The following SYN3 variants were observed in gnomAD, a reference collection of about 807,000 sequenced individuals.
SYN3 encodes the protein synapsin-3.
A neutral mutation model predicts 65.8 loss-of-function variants in SYN3; 35 were observed. The observed-to-expected ratio is 0.53, with a 90% CI of 0.41 to 0.70. The LOEUF (loss-of-function observed/expected upper bound fraction) is 0.70, where lower values mean the gene tolerates loss of function less well. SYN3 is among the 30% of genes least tolerant of loss of function. SYN3 has a pLI of 0.00. For synonymous variants in SYN3, 270 were observed against 292.9 expected (o/e 0.92, Z 0.80); for missense variants, 680 against 749.0 (o/e 0.91, Z 1.08).
intron 6 of SYN3, among the ~76,000 whole-genome samples, chr22:32,777,672 C>A (rs5754275): frequency 2.6e-5 from 4 of 151,956 alleles, no homozygotes; most frequent in African/African-American, 9.7e-5. Context: ...GGGAGAGAGG[C>A]AAGAAAATAA....
chr22:32,895,244 A>C (rs1448502167), intron 4 of SYN3, among the ~76,000 whole-genome samples: 1 of 152,202 alleles, frequency 6.6e-6, no homozygotes, highest in East Asian at 1.9e-4. Context: ...GAAAACTAGG[A>C]CATCAGTCTC....
intron 6 of SYN3, among the ~76,000 whole-genome samples, chr22:32,692,177 C>G (rs5754214): frequency 0.5 from 33,162 of 65,878 alleles, 6,784 homozygotes; most frequent in Middle Eastern, 0.63. Flanking sequence ...AAAAAAAAAA[C>G]AGGACGGTCT....
intron 6 of SYN3, among the ~76,000 whole-genome samples, chr22:32,765,561 C>T (rs111784961): frequency 2.2e-3 from 342 of 152,074 alleles, no homozygotes; most frequent in Non-Finnish European, 3.9e-3. Flanking sequence ...AAATGACAGG[C>T]GAGAGGGTGA....
intron 1 of SYN3, among the ~76,000 whole-genome samples, chr22:33,054,877 T>C (rs75004860): frequency 0.018 from 2,755 of 152,312 alleles, 90 homozygotes; most frequent in African/African-American, 0.062. Flanking sequence ...CTGGCCACCA[T>C]CCTTCATCCC....
At chr22:32,638,071 T>C (rs752958069) in intron 6 of SYN3, among the ~76,000 whole-genome samples, 3 of 152,240 alleles carry the variant, frequency 2.0e-5, no homozygotes, top group Non-Finnish European at 4.4e-5. Flanking sequence ...ATGCATTGTT[T>C]GGTTTACTGT....
At chr22:32,557,530 ATCT>A (rs2058521350) in intron 7 of SYN3, among the ~76,000 whole-genome samples, 1 of 152,202 alleles carries the variant, frequency 6.6e-6, no homozygotes, top group African/African-American at 2.4e-5. Context: ...TACATGTATT[ATCT>A]CAGTTAATCT....
chr22:32,653,933 G>C (rs1031875372), intron 6 of SYN3, among the ~76,000 whole-genome samples: 3 of 152,208 alleles, frequency 2.0e-5, no homozygotes, highest in Non-Finnish European at 4.4e-5. Flanking sequence ...GAACGTAAGA[G>C]GTAGGTGTGT....
intron 6 of SYN3, among the ~76,000 whole-genome samples, chr22:32,746,063 CT>C (rs1439419013): frequency 6.6e-6 from 1 of 152,208 alleles, no homozygotes; most frequent in African/African-American, 2.4e-5. Context: ...TCATAGTCAC[CT>C]CTTAAGAATT....
intron 1 of SYN3, among the ~76,000 whole-genome samples, chr22:33,048,785 T>A (rs1024675453): frequency 5.9e-5 from 9 of 152,198 alleles, no homozygotes; most frequent in Non-Finnish European, 8.8e-5. Flanking sequence ...TTAATGGCAA[T>A]GCAAAATGGA....
At chr22:32,673,751 G>A (rs1569141944) in intron 6 of SYN3, among the ~76,000 whole-genome samples, 2 of 152,228 alleles carry the variant, frequency 1.3e-5, no homozygotes, top group African/African-American at 4.8e-5. Context: ...AGGGATGAGA[G>A]AAAGATGGTG....
chr22:32,973,824 T>A (rs931069135), intron 3 of SYN3, among the ~76,000 whole-genome samples: 29 of 152,024 alleles, frequency 1.9e-4, no homozygotes, highest in African/African-American at 7.0e-4. Context: ...TCAGACAGAG[T>A]TTTGCTCTTG....
rs887145746 is a variant in SYN3, at chr22:33,029,062, C to G, written c.-162-22238G>C. 4.6e-5 allele frequency among the ~76,000 whole-genome samples: 7 copies of G among 151,844 alleles called. No homozygotes were observed. The East Asian group carries it at 1.4e-3, about 29-fold the overall frequency. On this transcript the variant is annotated intron_variant, in intron 1 of 13. Coordinates refer to ENST00000358763, the MANE Select transcript of SYN3 (RefSeq NM_003490.4). ...CTCAAAAAAAAAAAAGAATCAGGCA[C>G]TGCTCAGACAGTCCCTAGATGATCC... is the stretch of plus-strand genomic sequence containing the variant.
chr22:32,559,371 T>TA (rs750712395), intron 7 of SYN3, among the ~76,000 whole-genome samples: 22 of 152,180 alleles, frequency 1.4e-4, no homozygotes, highest in Non-Finnish European at 2.9e-4. Flanking sequence ...GTGCTACTGT[T>TA]AGAGTAGCTA....
chr22:32,710,472 A>G (rs2060945170), intron 6 of SYN3, among the ~76,000 whole-genome samples: 1 of 151,734 alleles, frequency 6.6e-6, no homozygotes, highest in Non-Finnish European at 1.5e-5. Flanking sequence ...CTCTACTAAA[A>G]ATACAAAAAA....
At chr22:32,751,046 G>A (rs2045106968) in intron 6 of SYN3, among the ~76,000 whole-genome samples, 1 of 152,090 alleles carries the variant, frequency 6.6e-6, no homozygotes, top group Non-Finnish European at 1.5e-5. Flanking sequence ...GAATGAAGGT[G>A]TGTGTGCAGG....
intron 6 of SYN3, among the ~76,000 whole-genome samples, chr22:32,849,020 C>T (rs1462640878): frequency 6.6e-6 from 1 of 151,992 alleles, no homozygotes; most frequent in Non-Finnish European, 1.5e-5. Context: ...AGGAAGAGCC[C>T]CAAATGAGGT....
intron 3 of SYN3, among the ~76,000 whole-genome samples, chr22:32,952,284 ATG>A (rs1209442633): frequency 6.8e-6 from 1 of 147,482 alleles, no homozygotes; most frequent in Non-Finnish European, 1.5e-5. Flanking sequence ...CATGTGAATA[ATG>A]TGTGTGTGGG....
intron 6 of SYN3, among the ~76,000 whole-genome samples, chr22:32,813,105 A>T (rs2046956661): frequency 6.6e-6 from 1 of 152,218 alleles, no homozygotes; most frequent in Non-Finnish European, 1.5e-5. Flanking sequence ...TACAGGGACC[A>T]GGCACAGAAG....
At chr22:32,587,706 G>A (rs965810293) in intron 7 of SYN3, among the ~76,000 whole-genome samples, 5 of 152,170 alleles carry the variant, frequency 3.3e-5, no homozygotes, top group African/African-American at 4.8e-5. Context: ...AGCTGATGAC[G>A]GCAGCGAACC....
Sources: allele counts gnomAD v4.1 joint callset (sites outside exome capture counted in the v4.1 genomes callset), GRCh38; gene constraint gnomAD v4.1.1; transcripts MANE v1.5; gene names NCBI Gene and HGNC (gene_info 2026-07-23, HGNC 2026-07-21).